The following SNAP91 variants were observed in gnomAD, a reference collection of about 807,000 sequenced individuals.
The protein encoded by SNAP91 is synaptosome associated protein 91.
In SNAP91, 27 loss-of-function variants were observed where a neutral mutation model predicts 100.3. The ratio of observed to expected loss-of-function variants is 0.27; its 90% CI spans 0.20 to 0.37. The LOEUF (loss-of-function observed/expected upper bound fraction) is 0.37. Ranked by LOEUF, SNAP91 falls within the 10% of genes least tolerant of loss-of-function variation. The probability of loss-of-function intolerance (pLI) is 1.00; values close to 1 mark genes in which losing one functional copy is unlikely to be tolerated. For missense variants in SNAP91, 986 were observed against 1,123.7 expected (o/e 0.88, Z 1.75); for synonymous variants, 404 against 398.6 (o/e 1.01, Z -0.16).
Position 83,554,245 on chromosome 6 carries a change from C to A in SNAP91, c.*51G>T. On this transcript the variant is annotated 3_prime_UTR_variant, in exon 30 of 30. Coordinates refer to ENST00000369694, the MANE Select transcript of SNAP91 (RefSeq NM_001242792.2). ...TCAGCATCAATCTTATTTGAAGTCT[C>A]CAAACTCATTTATTTTCCTATTCAG... is the stretch of plus-strand genomic sequence containing the variant. 3.5e-6 allele frequency: 1 copy of A among 289,746 alleles called. No individual in the cohort carries two copies. Among genetic ancestry groups the A allele is most frequent in the South Asian group, 3.0e-5 (1 of 33,172 alleles). The allele number at this position is 289,746 out of a possible 1,614,324, so 17.9% of individuals were successfully genotyped here.
rs74410893 is a variant in SNAP91, at chr6:83,586,467, A to T, written c.2015-4111T>A. Reference sequence around the variant, plus strand: ...GTGCAGTCACCCTAAAATTGTGTCTATGATGGAAAAACATGGTTGTCCTGC... The same window carrying T: ...GTGCAGTCACCCTAAAATTGTGTCTTTGATGGAAAAACATGGTTGTCCTGC... On this transcript the variant is annotated intron_variant, in intron 22 of 29. Coordinates refer to ENST00000369694, the MANE Select transcript of SNAP91 (RefSeq NM_001242792.2). 2.0e-5 allele frequency among the ~76,000 whole-genome samples: 3 copies of T among 152,184 alleles called. No homozygotes were observed. The South Asian group carries it at 6.2e-4, about 32-fold the overall frequency.
chr6:83,629,084 CTAGTCAAT>C (rs145560339), intron 8 of SNAP91, among the ~76,000 whole-genome samples: 97 of 152,258 alleles, frequency 6.4e-4, no homozygotes, highest in African/African-American at 2.0e-3. Flanking sequence ...CTACATGTAG[CTAGTCAAT>C]TATCCCAGCA....
intron 14 of SNAP91, among the ~76,000 whole-genome samples, chr6:83,602,074 C>T (rs1222595831): frequency 1.3e-5 from 2 of 152,032 alleles, no homozygotes; most frequent in South Asian, 2.1e-4. Flanking sequence ...TACAGACACA[C>T]AACACACACT....
intron 7 of SNAP91, 23 bp downstream of exon 7, chr6:83,656,731 C>A: frequency 9.0e-7 from 1 of 1,112,032 alleles, no homozygotes; most frequent in Non-Finnish European, 1.3e-6. Context: ...TCAGCCCAGA[C>A]ATGTTTCGGT....
chr6:83,638,615 G>A (rs1017023527), intron 8 of SNAP91, among the ~76,000 whole-genome samples: 9 of 152,002 alleles, frequency 5.9e-5, no homozygotes, highest in Admixed American at 5.9e-4. Flanking sequence ...ACTGAAAGAG[G>A]CATTTTTTAA....
At chr6:83,635,167 G>A (rs551283280) in intron 8 of SNAP91, among the ~76,000 whole-genome samples, 6 of 152,248 alleles carry the variant, frequency 3.9e-5, no homozygotes, top group East Asian at 3.9e-4. Context: ...TTGGTCTAGT[G>A]TCAAATTTAA....
intron 25 of SNAP91, chr6:83,575,449 G>T: frequency 3.4e-6 from 1 of 290,596 alleles, no homozygotes; most frequent in Non-Finnish European, 6.4e-6. Context: ...CATATATACT[G>T]TACACTTCGA....
intron 2 of SNAP91, among the ~76,000 whole-genome samples, chr6:83,677,380 TTAGAG>T (rs2098925101): frequency 6.6e-6 from 1 of 152,104 alleles, no homozygotes; most frequent in Non-Finnish European, 1.5e-5. Context: ...TTCTGACCAG[TTAGAG>T]TAGAGGAGAT....
intron 11 of SNAP91, among the ~76,000 whole-genome samples, chr6:83,613,946 G>C (rs2096311785): frequency 6.6e-6 from 1 of 152,110 alleles, no homozygotes; most frequent in African/African-American, 2.4e-5. Context: ...AGAAGAAAAT[G>C]AATGACCCAT....
chr6:83,676,123 A>C (rs2098887927), intron 2 of SNAP91, among the ~76,000 whole-genome samples: 1 of 152,050 alleles, frequency 6.6e-6, no homozygotes, highest in Non-Finnish European at 1.5e-5. Flanking sequence ...AAAAAAAAAA[A>C]AAGAATGTGA....
chr6:83,705,813 A>G lies in SNAP91; in HGVS notation c.130+1985T>C, dbSNP rs1157661857. Among the ~76,000 whole-genome samples, 6 of 145,734 alleles carry G rather than the reference A, an allele frequency of 4.1e-5. No homozygotes were observed. The Admixed American group carries it at 4.1e-4, about 10-fold the overall frequency. On this transcript the variant is annotated intron_variant, in intron 2 of 29. Transcript: ENST00000369694. ...GAGTGAGACTCCATCTCACAAAGAGAAAAAAAAAAAGCCATGAAAGTTAAT... is the reference window on the plus strand; with the variant it reads ...GAGTGAGACTCCATCTCACAAAGAGGAAAAAAAAAAGCCATGAAAGTTAAT...
intron 7 of SNAP91, among the ~76,000 whole-genome samples, chr6:83,648,427 C>T (rs2098051144): frequency 6.6e-6 from 1 of 150,674 alleles, no homozygotes. Flanking sequence ...ATGTGCTAGT[C>T]CTTGTATGGA....
intron 2 of SNAP91, among the ~76,000 whole-genome samples, chr6:83,678,619 C>T (rs908271859): frequency 6.6e-5 from 10 of 152,140 alleles, no homozygotes; most frequent in African/African-American, 2.4e-4. Context: ...ATAACCTAAT[C>T]TCTAAGATGT....
intron 26 of SNAP91, among the ~76,000 whole-genome samples, chr6:83,565,435 AT>A (rs1795188869): frequency 6.6e-6 from 1 of 152,152 alleles, no homozygotes; most frequent in African/African-American, 2.4e-5. Flanking sequence ...CTCTAAAAAT[AT>A]ATTGTTCCTT....
chr6:83,597,394 A>T (rs758506482), intron 16 of SNAP91, among the ~76,000 whole-genome samples: 11 of 152,228 alleles, frequency 7.2e-5, no homozygotes, highest in Non-Finnish European at 1.6e-4. Context: ...TTTTTTCATT[A>T]TAAATGGCAG....
chr6:83,632,478 T>C (rs1022480505), intron 8 of SNAP91, among the ~76,000 whole-genome samples: 5 of 152,194 alleles, frequency 3.3e-5, no homozygotes, highest in Admixed American at 2.0e-4. Context: ...TTCCCCCAAA[T>C]ATATTTTCCA....
rs750966269 is a variant in SNAP91 at position 83,611,863 on chromosome 6, A to ATTTTTTTTTT, written c.885-1196_885-1187dup. 3.0e-4 allele frequency among the ~76,000 whole-genome samples: 27 copies of ATTTTTTTTTT among 91,258 alleles called. 1 individual carries two copies. Among genetic ancestry groups the ATTTTTTTTTT allele is most frequent in the African/African-American group, 4.0e-4 (8 of 20,006 alleles). 59.9% of individuals were successfully genotyped at this position (91,258 alleles called of 152,430 possible). A position where few individuals can be genotyped will look rare whatever the true frequency, so the allele number is the denominator to read the frequency against. ...AGGCGCCTGCCACCACGCCCGGCTA[A>ATTTTTTTTTT]TTTTTTTTTTTTTTTTTTTTTTTTT... On this transcript the variant is annotated intron_variant, in intron 11 of 29. Transcript: ENST00000369694.
intron 10 of SNAP91, among the ~76,000 whole-genome samples, chr6:83,616,357 G>C (rs945979043): frequency 6.6e-6 from 1 of 152,016 alleles, no homozygotes; most frequent in Non-Finnish European, 1.5e-5. Flanking sequence ...AAAGGAACCT[G>C]GACATTTCGT....
chr6:83,641,008 C>T (rs2097677102), intron 8 of SNAP91, 88 bp downstream of exon 8: 1 of 709,854 alleles, frequency 1.4e-6, no homozygotes, highest in South Asian at 2.5e-5. Flanking sequence ...TATACTGTGA[C>T]TCTCTTACAC....
Sources: allele counts gnomAD v4.1 joint callset (sites outside exome capture counted in the v4.1 genomes callset), GRCh38; gene constraint gnomAD v4.1.1; transcripts MANE v1.5; gene names NCBI Gene and HGNC (gene_info 2026-07-23, HGNC 2026-07-21).